Variants in TADA2B observed in about 807,000 individuals in gnomAD.
The protein encoded by TADA2B is transcriptional adaptor 2B, also known as transcriptional adapter 2-beta.
Under a neutral mutation model 34.5 loss-of-function variants are expected in TADA2B, and 13 were observed. That is an observed-to-expected ratio of 0.38 (90% CI 0.25 to 0.60). The LOEUF is 0.60. Ranked by LOEUF, TADA2B falls within the 20% of genes least tolerant of loss-of-function variation. The pLI is 0.65. For synonymous variants in TADA2B, 240 were observed against 243.4 expected, an observed-to-expected ratio of 0.99 and a Z score of 0.13; for missense variants, 442 against 575.0, an observed-to-expected ratio of 0.77 and a Z score of 2.37.
intron 1 of TADA2B, among the ~76,000 whole-genome samples, chr4:7,050,147 C>T (rs1036470969): frequency 3.3e-5 from 5 of 152,256 alleles, no homozygotes; most frequent in Non-Finnish European, 2.9e-5. Context: ...GGGAAATGCA[C>T]GCGTGGGCTC....
At chr4:7,046,708 A>G (rs1408392849) in intron 1 of TADA2B, among the ~76,000 whole-genome samples, 1 of 152,166 alleles carries the variant, frequency 6.6e-6, no homozygotes, top group Non-Finnish European at 1.5e-5. Context: ...TGAGTGTGGA[A>G]GGAGATGGTG....
In TADA2B at chr4:7,057,456, A is replaced by G. The variant is rs1396067768; in HGVS notation, c.*2402A>G. The stretch of plus-strand genomic sequence containing the variant: ...CTCCACATTTTTATATTTAATTCTC[A>G]TGATAAATTAGCCACCATAATCCCA... On this transcript the variant is annotated 3_prime_UTR_variant, in exon 2 of 2. Transcript: ENST00000310074. 1.3e-5 allele frequency: 2 copies of G among 152,200 alleles called. No homozygotes were observed. Among genetic ancestry groups the G allele is most frequent in the East Asian group, 1.9e-4 (1 of 5,202 alleles). The allele number at this position is 152,200 out of a possible 1,614,324, so 9.4% of individuals were successfully genotyped here. A position where few individuals can be genotyped will look rare whatever the true frequency, so the allele number is the denominator to read the frequency against.
chr4:7,052,617 A>T (rs918978870), intron 1 of TADA2B, among the ~76,000 whole-genome samples: 3 of 152,218 alleles, frequency 2.0e-5, no homozygotes, highest in African/African-American at 7.2e-5. Flanking sequence ...CCCGAGGCTC[A>T]GAGATGGGCA....
intron 1 of TADA2B, among the ~76,000 whole-genome samples, chr4:7,046,651 C>T (rs1187104525): frequency 6.6e-6 from 1 of 152,190 alleles, no homozygotes; most frequent in Non-Finnish European, 1.5e-5. Context: ...ACCTGATTCA[C>T]TGGAGATTAG....
Position 7,043,676 on chromosome 4 carries a change from C to G in TADA2B, c.97C>G (p.Pro33Ala). ...CGAGTGCCAGGACATCGAGCTGTGCCCCGAGTGCTTCTCGGCCGGCGCCGA... is the reference window on the plus strand; with the variant it reads ...CGAGTGCCAGGACATCGAGCTGTGCGCCGAGTGCTTCTCGGCCGGCGCCGA... ...CTECQDIELC[P>A]ECFSAGAEIG... Residue 33 changes from proline (P) to alanine (A), a missense_variant, in exon 1 of 2, where the codon CCC becomes GCC. By Grantham distance (27) the Pro-to-Ala change is conservative (BLOSUM62 -1). This residue lies in a region of TADA2B where 102 missense variants were observed against 177.2 expected (regional missense o/e 0.58). Coordinates refer to ENST00000310074, the MANE Select transcript of TADA2B (RefSeq NM_152293.3). 6.3e-7 allele frequency: 1 copy of G among 1,585,884 alleles called. No homozygotes were observed. The highest frequency in any genetic ancestry group is 8.6e-7 in the Non-Finnish European group (1 of 1,168,932).
intron 1 of TADA2B, among the ~76,000 whole-genome samples, chr4:7,052,552 T>C (rs1319780038): frequency 6.6e-6 from 1 of 152,230 alleles, no homozygotes; most frequent in Non-Finnish European, 1.5e-5. Context: ...AAGGCTTTTC[T>C]TACCCATGTG....
rs1171147352 is a variant in TADA2B, at chr4:7,054,115, G to A, written c.324G>A (p.Glu108=). The A allele has an allele frequency of 1.9e-6, 3 of 1,601,932 alleles. No individual in the cohort carries two copies. Among genetic ancestry groups the A allele is most frequent in the South Asian group, 1.1e-5 (1 of 88,692 alleles). ...GASRTPQEVM[E]HYVSMYIHGN... ...CCCGGACTCCCCAAGAGGTGATGGA[G>A]CATTACGTGAGCATGTACATCCACG... Residue 108 remains glutamate (E), a synonymous_variant, in exon 2 of 2, where the codon GAG becomes GAA. Coordinates refer to ENST00000310074, the MANE Select transcript of TADA2B (RefSeq NM_152293.3).
chr4:7,051,103 G>T (rs1335102590), intron 1 of TADA2B, among the ~76,000 whole-genome samples: 1 of 152,226 alleles, frequency 6.6e-6, no homozygotes, highest in Non-Finnish European at 1.5e-5. Flanking sequence ...GGTAAAACCT[G>T]CAAAAGGAGG....
chr4:7,047,590 C>T (rs973339596), intron 1 of TADA2B, among the ~76,000 whole-genome samples: 4 of 152,216 alleles, frequency 2.6e-5, no homozygotes, highest in African/African-American at 4.8e-5. Flanking sequence ...GCCTGGTGTG[C>T]GCCAGCCCCT....
chr4:7,047,857 G>C (rs1227096966), intron 1 of TADA2B, among the ~76,000 whole-genome samples: 3 of 152,228 alleles, frequency 2.0e-5, no homozygotes, highest in African/African-American at 7.2e-5. Context: ...CTCAGGCTCT[G>C]TGATCACGCA....
intron 1 of TADA2B, among the ~76,000 whole-genome samples, chr4:7,049,308 G>A (rs1006659907): frequency 1.3e-5 from 2 of 152,184 alleles, no homozygotes; most frequent in African/African-American, 4.8e-5. Context: ...TGAACTTCTG[G>A]GCTCAAGTGA....
chr4:7,051,824 C>T (rs1389210810), intron 1 of TADA2B, among the ~76,000 whole-genome samples: 1 of 152,218 alleles, frequency 6.6e-6, no homozygotes, highest in Non-Finnish European at 1.5e-5. Context: ...GTCTCGATCT[C>T]CTGACCTCGT....
At chr4:7,050,882 C>G (rs993115329) in intron 1 of TADA2B, among the ~76,000 whole-genome samples, 3 of 152,178 alleles carry the variant, frequency 2.0e-5, no homozygotes, top group Admixed American at 1.3e-4. Context: ...GGGCGCGTGG[C>G]GACGGGTGTA....
intron 1 of TADA2B, among the ~76,000 whole-genome samples, chr4:7,047,747 T>A (rs961980336): frequency 2.0e-5 from 3 of 152,122 alleles, no homozygotes; most frequent in Admixed American, 2.0e-4. Context: ...GGTTTTGTGT[T>A]TTAAGAGTCT....
Position 7,043,676 on chromosome 4 carries a change from C to T in TADA2B, c.97C>T (p.Pro33Ser). 1 of 1,585,884 alleles carries T rather than the reference C, an allele frequency of 6.3e-7. No individual in the cohort carries two copies. The change falls in exon 1 of 2, where the codon CCC (proline) becomes TCC (serine). Residue 33 changes from proline to serine, a missense_variant. Around this residue, in one of 4 missense-constraint regions of TADA2B, gnomAD observed 102 missense variants for 177.2 expected, o/e 0.58. Coordinates refer to ENST00000310074, the MANE Select transcript of TADA2B (RefSeq NM_152293.3). Reference protein sequence around the residue: ...CTECQDIELCPECFSAGAEIG... With the variant: ...CTECQDIELCSECFSAGAEIG... ...CGAGTGCCAGGACATCGAGCTGTGC[C>T]CCGAGTGCTTCTCGGCCGGCGCCGA...
intron 1 of TADA2B, among the ~76,000 whole-genome samples, chr4:7,049,574 G>T (rs1723717057): frequency 1.3e-5 from 2 of 152,250 alleles, no homozygotes; most frequent in South Asian, 4.1e-4. Context: ...GCTGGGGGCA[G>T]TGGCCAGGGA....
chr4:7,046,134 CA>C (rs1399526848), intron 1 of TADA2B: 2 of 152,224 alleles, frequency 1.3e-5, no homozygotes, highest in Non-Finnish European at 2.9e-5. Context: ...AACCAGGACT[CA>C]GGGGGTGCAC....
intron 1 of TADA2B, chr4:7,053,450 C>T (rs958155597): frequency 2.0e-5 from 3 of 152,402 alleles, no homozygotes; most frequent in Admixed American, 1.3e-4. Flanking sequence ...CGCCAGCCCC[C>T]CCGGCGCATG....
In TADA2B at chr4:7,055,686, G is replaced by C. The variant is rs1177160601; in HGVS notation, c.*632G>C. Reference sequence around the variant, plus strand: ...CGACCAGATGACCTTCCATTTCACCGGCGGCAGCAGTTTCAGCGTGCAGTT... The same window carrying C: ...CGACCAGATGACCTTCCATTTCACCCGCGGCAGCAGTTTCAGCGTGCAGTT... On this transcript the variant is annotated 3_prime_UTR_variant, in exon 2 of 2. Coordinates refer to ENST00000310074, the MANE Select transcript of TADA2B (RefSeq NM_152293.3). 6.6e-6 allele frequency: 1 copy of C among 151,762 alleles called. No homozygotes were observed. The highest frequency in any genetic ancestry group is 1.5e-5 in the Non-Finnish European group (1 of 68,108). 9.4% of individuals were successfully genotyped at this position (151,762 alleles called of 1,614,324 possible).
Sources: gnomAD v4.1 joint callset for allele counts (sites outside exome capture counted in the v4.1 genomes callset) on GRCh38, gnomAD v4.1.1 for gene constraint, gnomAD v4.1.1 regional missense constraint, MANE v1.5 for transcripts, NCBI Gene and HGNC (gene_info 2026-07-23, HGNC 2026-07-21) for gene names.